The following LRBA variants were observed in gnomAD, a reference collection of about 807,000 sequenced individuals.
The protein encoded by LRBA is LPS responsive beige-like anchor protein.
Under a neutral mutation model 330.0 loss-of-function variants are expected in LRBA, and 176 were observed. The observed-to-expected ratio is 0.53, with a 90% CI of 0.47 to 0.60. LRBA has a LOEUF of 0.60. LRBA is among the 20% of genes least tolerant of loss of function. The pLI, the probability that LRBA is intolerant of heterozygous loss-of-function variation, is 0.00. For missense variants in LRBA, 3,259 were observed against 3,444.8 expected, an observed-to-expected ratio of 0.95 and a Z score of 1.35; for synonymous variants, 1,230 against 1,193.0, an observed-to-expected ratio of 1.03 and a Z score of -0.64.
At position 150,583,811 on chromosome 4, in the gene LRBA, A is replaced by G. The variant is rs747066977; in HGVS notation, c.6330+4237T>C. ...GTGCTGAAGACTCTGCGGGACCGCCACCTGGAGCTACCCGGCCAGCCGCTC... is the reference window on the plus strand; with the variant it reads ...GTGCTGAAGACTCTGCGGGACCGCCGCCTGGAGCTACCCGGCCAGCCGCTC... On this transcript the variant is annotated intron_variant, in intron 40 of 56. Coordinates refer to ENST00000651943, the MANE Select transcript of LRBA (RefSeq NM_001364905.1). The surrounding 1 kb of genome is among the most constrained non-coding windows in gnomAD (Gnocchi z 9.8). The G allele has an allele frequency of 1.2e-6, 2 of 1,614,146 alleles. No individual in the cohort carries two copies. The highest frequency in any genetic ancestry group is 1.7e-6 in the Non-Finnish European group (2 of 1,180,016).
intron 48 of LRBA, among the ~76,000 whole-genome samples, chr4:150,335,526 ATG>A (rs200270982): frequency 2.7e-5 from 4 of 146,532 alleles, no homozygotes; most frequent in African/African-American, 1.0e-4. Flanking sequence ...CGTATTATAT[ATG>A]TGTGTATATA....
intron 38 of LRBA, among the ~76,000 whole-genome samples, chr4:150,592,400 T>C (rs1772999718): frequency 6.6e-6 from 1 of 151,828 alleles, no homozygotes; most frequent in Non-Finnish European, 1.5e-5. Flanking sequence ...TTATTGCGAA[T>C]TCACCATGTA....
chr4:150,518,475 T>C (rs28580527), intron 40 of LRBA, among the ~76,000 whole-genome samples: 12,715 of 152,266 alleles, frequency 0.084, 934 homozygotes, highest in African/African-American at 0.19. Context: ...TGTATGGTCA[T>C]GTAGGATGAA....
chr4:150,848,069 C>G (rs1750092637), intron 26 of LRBA, among the ~76,000 whole-genome samples: 1 of 151,932 alleles, frequency 6.6e-6, no homozygotes, highest in African/African-American at 2.4e-5. Flanking sequence ...GGCTGCAGTG[C>G]AGTGGTGTGA....
At chr4:150,498,812 A>G (rs1759890952) in intron 40 of LRBA, among the ~76,000 whole-genome samples, 1 of 152,204 alleles carries the variant, frequency 6.6e-6, no homozygotes, top group South Asian at 2.1e-4. Flanking sequence ...TATCTGTACA[A>G]AAGAAACATT....
Position 150,831,986 on chromosome 4 carries a change from A to G in LRBA, c.4570-10T>C. ...CTTGTTTGCTATCCTCCTGGGAAAA[A>G]AAATTAAAGGAGTTGATTATGTAAC... On this transcript the variant is annotated splice_polypyrimidine_tract_variant and intron_variant, in intron 28 of 56. Coordinates refer to ENST00000651943, the MANE Select transcript of LRBA (RefSeq NM_001364905.1). 6.8e-7 allele frequency: 1 copy of G among 1,477,806 alleles called. No homozygotes were observed. 91.5% of individuals were successfully genotyped at this position (1,477,806 alleles called of 1,614,324 possible). A position where few individuals can be genotyped will look rare whatever the true frequency, so the allele number is the denominator to read the frequency against.
At chr4:150,882,097 A>AG (rs1728464667) in intron 17 of LRBA, among the ~76,000 whole-genome samples, 1 of 152,184 alleles carries the variant, frequency 6.6e-6, no homozygotes, top group African/African-American at 2.4e-5. Flanking sequence ...AAAAAAAAAA[A>AG]AATCACAATA....
At position 150,443,441 on chromosome 4, in the gene LRBA, A is replaced by C. The variant is rs1752096122; in HGVS notation, c.6781-6577T>G. On this transcript the variant is annotated intron_variant, in intron 44 of 56. Transcript: ENST00000651943. ...CTACTCACAACAGCAAAGACTTGGAACCAACCCAAATGTCCAACAATAATA... is the reference window on the plus strand; with the variant it reads ...CTACTCACAACAGCAAAGACTTGGACCCAACCCAAATGTCCAACAATAATA... Among the ~76,000 whole-genome samples, 5 of 152,292 alleles carry C rather than the reference A, an allele frequency of 3.3e-5. 1 individual carries two copies. The South Asian group carries it at 1.0e-3, about 32-fold the overall frequency.
chr4:150,335,897 T>C (rs1007264486), intron 48 of LRBA, among the ~76,000 whole-genome samples: 20 of 152,102 alleles, frequency 1.3e-4, no homozygotes, highest in African/African-American at 4.8e-4. Context: ...TGTTTTGCCA[T>C]GTTGCCCAGG....
At chr4:150,552,545 G>C (rs1766740854) in intron 40 of LRBA, among the ~76,000 whole-genome samples, 1 of 152,122 alleles carries the variant, frequency 6.6e-6, no homozygotes, top group Non-Finnish European at 1.5e-5. Flanking sequence ...TTACACTGTT[G>C]GTGGGAGTGT....
intron 2 of LRBA, among the ~76,000 whole-genome samples, chr4:150,952,554 C>G (rs964054331): frequency 6.6e-6 from 1 of 152,100 alleles, no homozygotes; most frequent in African/African-American, 2.4e-5. Flanking sequence ...ACATCATTCC[C>G]AAGAGCCTGT....
intron 36 of LRBA, among the ~76,000 whole-genome samples, chr4:150,703,633 T>G (rs1178808182): frequency 2.0e-5 from 3 of 152,132 alleles, no homozygotes; most frequent in African/African-American, 7.2e-5. Context: ...AATCCAGAAA[T>G]TGCTAATGTA....
At chr4:150,455,367 G>T (rs1327678751) in intron 44 of LRBA, among the ~76,000 whole-genome samples, 1 of 151,694 alleles carries the variant, frequency 6.6e-6, no homozygotes, top group Non-Finnish European at 1.5e-5. Context: ...CAATAGCAAA[G>T]ACTTGGAACC....
rs1327253671 is a variant in LRBA, at chr4:150,683,608, T to A, written c.5864A>T (p.Gln1955Leu). 6.2e-7 allele frequency: 1 copy of A among 1,613,976 alleles called. No individual in the cohort carries two copies. Among genetic ancestry groups the A allele is most frequent in the Non-Finnish European group, 8.5e-7 (1 of 1,179,880 alleles). Residue 1955 changes from glutamine to leucine, a missense_variant, in exon 37 of 57, where the codon CAG becomes CTG. Transcript: ENST00000651943. The stretch of plus-strand genomic sequence containing the variant: ...GTCTGTGAGAATGTTGATAATTTTC[T>A]GGATTAGTTGAGTTGCTGTCACGTG... ...RDHVTATQLI[Q>L]KIINILTDKH... is the part of the protein sequence containing the mutation.
At chr4:150,379,968 G>A (rs1264129302) in intron 47 of LRBA, among the ~76,000 whole-genome samples, 1 of 140,380 alleles carries the variant, frequency 7.1e-6, no homozygotes, top group Non-Finnish European at 1.5e-5. Context: ...TTCAAGACCA[G>A]CCTGACCAAC....
intron 28 of LRBA, among the ~76,000 whole-genome samples, chr4:150,838,081 T>C (rs1748439004): frequency 6.6e-6 from 1 of 152,204 alleles, no homozygotes; most frequent in Non-Finnish European, 1.5e-5. Context: ...AAATTCTGGG[T>C]TGAAAATTCG....
intron 40 of LRBA, among the ~76,000 whole-genome samples, chr4:150,524,498 C>G (rs1243422681): frequency 6.6e-6 from 1 of 152,002 alleles, no homozygotes; most frequent in African/African-American, 2.4e-5. Context: ...TGTGTTCTAC[C>G]CAATAGAAAA....
In LRBA at chr4:150,423,309, C is replaced by T. The variant is rs1443931184; in HGVS notation, c.7042-7719G>A. ...CTCCCTTCAAACATTCCTAATCATC[C>T]TCTCCCTGGGGGACGAGCTCTGCGG... On this transcript the variant is annotated intron_variant, in intron 46 of 56. Transcript: ENST00000651943. The T allele has an allele frequency of 2.1e-5, 16 of 771,344 alleles. No individual in the cohort carries two copies. In the African/African-American group the frequency reaches 2.6e-4, roughly 13 times the overall value. The allele number at this position is 771,344 out of a possible 1,614,324, so 47.8% of individuals were successfully genotyped here. A position where few individuals can be genotyped will look rare whatever the true frequency, so the allele number is the denominator to read the frequency against.
intron 53 of LRBA, among the ~76,000 whole-genome samples, chr4:150,296,030 A>C (rs746413293): frequency 9.9e-5 from 15 of 152,236 alleles, no homozygotes; most frequent in Admixed American, 5.9e-4. Flanking sequence ...AATTTGCTGA[A>C]GTGAAATCTT....
Sources: gnomAD v4.1 joint callset for allele counts (sites outside exome capture counted in the v4.1 genomes callset) on GRCh38, gnomAD v4.1.1 for gene constraint, Gnocchi (gnomAD v3.1) non-coding constraint, MANE v1.5 for transcripts, NCBI Gene and HGNC (gene_info 2026-07-23, HGNC 2026-07-21) for gene names.